The following ARHGEF40 variants were observed in gnomAD, a reference collection of about 807,000 sequenced individuals.
ARHGEF40 encodes Rho guanine nucleotide exchange factor (GEF) 40.
A neutral mutation model predicts 165.9 loss-of-function variants in ARHGEF40; 98 were observed. The observed-to-expected ratio is 0.59, with a 90% confidence interval of 0.50 to 0.70. The LOEUF is 0.70. ARHGEF40 is among the 30% of genes least tolerant of loss of function. The pLI, the probability that ARHGEF40 is intolerant of heterozygous loss-of-function variation, is 0.00. For missense variants in ARHGEF40, 1,815 were observed against 1,968.0 expected, an observed-to-expected ratio of 0.92 and a Z score of 1.47; for synonymous variants, 792 against 814.3, an observed-to-expected ratio of 0.97 and a Z score of 0.47.
At chr14:21,068,421 A>G (rs936735723), upstream of ARHGEF40, among the ~76,000 whole-genome samples, 1 of 152,146 alleles carries the variant, frequency 6.6e-6, no homozygotes, top group African/African-American at 2.4e-5. Flanking sequence ...TTGGAGTCCA[A>G]TGGACAACCT....
chr14:21,078,577 TCTTA>T, intron 10 of ARHGEF40, 89 bp downstream of exon 10: 1 of 1,317,752 alleles, frequency 7.6e-7, no homozygotes, highest in Non-Finnish European at 1.0e-6. Flanking sequence ...GCCAGACCAT[TCTTA>T]CTGTGCATGT....
intron 16 of ARHGEF40, 68 bp from the exon 17 acceptor site, chr14:21,083,767 C>T (rs924497318): frequency 8.8e-6 from 13 of 1,479,718 alleles, no homozygotes; most frequent in Middle Eastern, 1.8e-4. Context: ...CACCTACCCC[C>T]CAACCCCTGA....
Position 21,074,908 on chromosome 14 carries a change from G to A in ARHGEF40, c.1178G>A (p.Arg393Gln), listed in dbSNP as rs761654072. Residue 393 changes from arginine to glutamine, a missense_variant, in exon 3 of 24, where the codon CGA (arginine) becomes CAA (glutamine). Transcript: ENST00000298694. The surrounding 1 kb of genome is among the most constrained non-coding windows in gnomAD (Gnocchi z 4.8). ...KRAAGRGALSRGGDSAPLSPG... is the reference protein window; with the variant it reads ...KRAAGRGALSQGGDSAPLSPG... ...GCTGCAGGTCGAGGGGCTCTTAGCC[G>A]AGGAGGGGACAGTGCCCCACTGAGC... 7 of 1,609,028 alleles carry A rather than the reference G, an allele frequency of 4.4e-6. No individual in the cohort carries two copies. Among genetic ancestry groups the A allele is most frequent in the Admixed American group, 1.7e-5 (1 of 58,962 alleles).
Position 21,081,903 on chromosome 14 carries a change from G to A in ARHGEF40, c.3035G>A (p.Cys1012Tyr), listed in dbSNP as rs1676634276. The A allele has an allele frequency of 6.2e-7, 1 of 1,613,274 alleles. No individual in the cohort carries two copies. Among genetic ancestry groups the A allele is most frequent in the South Asian group, 1.1e-5 (1 of 90,972 alleles). The change falls in exon 14 of 24, where the codon TGT (cysteine) becomes TAT (tyrosine). Residue 1012 changes from cysteine to tyrosine, a missense_variant. Coordinates refer to ENST00000298694, the MANE Select transcript of ARHGEF40 (RefSeq NM_018071.5). ...CCATCCCATTGCTCCCTGGCCCCAT[G>A]TGGAGAGGACTATGAGGAAGAGGGC... ...PAPSHCSLAP[C>Y]GEDYEEEGPE...
intron 6 of ARHGEF40, 27 bp downstream of exon 6, chr14:21,076,483 C>T: frequency 6.2e-7 from 1 of 1,613,982 alleles, no homozygotes; most frequent in Non-Finnish European, 8.5e-7. Flanking sequence ...CAGGCAGTTC[C>T]CCTGGATCCT....
Position 21,083,898 on chromosome 14 carries a change from C to T in ARHGEF40, c.3637C>T (p.Arg1213Trp), listed in dbSNP as rs377546810. 8.1e-6 allele frequency: 13 copies of T among 1,614,006 alleles called. No individual in the cohort carries two copies. The highest frequency in any genetic ancestry group is 5.3e-5 in the African/African-American group (4 of 74,940). ...ALQQPLEQLT[R>W]YGRLLEELLR... ...GCAGCAGCCTCTGGAACAGCTGACTCGGTATGGGCGGCTCCTGGAGGAGCT... is the reference window on the plus strand; with the variant it reads ...GCAGCAGCCTCTGGAACAGCTGACTTGGTATGGGCGGCTCCTGGAGGAGCT... The change falls in exon 17 of 24, where the codon CGG becomes TGG. Residue 1213 changes from arginine to tryptophan, a missense_variant. Physicochemically the swap from Arg to Trp is moderately radical, Grantham distance 101. Coordinates refer to ENST00000298694, the MANE Select transcript of ARHGEF40 (RefSeq NM_018071.5).
chr14:21,076,125 C>T (rs980401541), intron 5 of ARHGEF40, among the ~76,000 whole-genome samples: 2 of 152,198 alleles, frequency 1.3e-5, no homozygotes, highest in Admixed American at 6.5e-5. Flanking sequence ...TTTTCCAGAC[C>T]TTAATCCCTT....
chr14:21,082,321 C>G lies in ARHGEF40; in HGVS notation c.3329C>G (p.Pro1110Arg). The change falls in exon 15 of 24, where the codon CCC becomes CGC. Residue 1110 changes from proline to arginine, a missense_variant. Transcript: ENST00000298694. ...YVATLSEPVP[P>R]PGPELTPELR... ...GCCACCTTGAGTGAGCCAGTGCCAC[C>G]CCCTGGGCCTGAGCTGACGCCTGAA... 3.7e-6 allele frequency: 6 copies of G among 1,612,978 alleles called. No individual in the cohort carries two copies. The highest frequency in any genetic ancestry group is 5.1e-6 in the Non-Finnish European group (6 of 1,179,806).
chr14:21,070,511 C>A lies in ARHGEF40; in HGVS notation c.3+112C>A, dbSNP rs1886654908. 1 of 1,268,536 alleles carries A rather than the reference C, an allele frequency of 7.9e-7. No homozygotes were observed. Among genetic ancestry groups the A allele is most frequent in the African/African-American group, 1.5e-5 (1 of 66,690 alleles). The allele number at this position is 1,268,536 out of a possible 1,614,324, so 78.6% of individuals were successfully genotyped here. On this transcript the variant is annotated intron_variant, in intron 1 of 23. Transcript: ENST00000298694. The surrounding 1 kb of genome is among the most constrained non-coding windows in gnomAD (Gnocchi z 4.7). ...GAGCCTGCCTCGGACTGTTCGGCCC[C>A]TCTGGGACTCTCCTCCCTCCCATCC...
intron 10 of ARHGEF40, 121 bp from the exon 11 acceptor site, chr14:21,078,763 C>T: frequency 7.1e-7 from 1 of 1,408,342 alleles, no homozygotes; most frequent in South Asian, 1.4e-5. Flanking sequence ...AGGGTTCAGC[C>T]CATGCTTTTG....
chr14:21,072,961 C>A lies in ARHGEF40; in HGVS notation c.4-84C>A. 3 of 1,395,798 alleles carry A rather than the reference C, an allele frequency of 2.1e-6. No homozygotes were observed. The highest frequency in any genetic ancestry group is 3.0e-6 in the Non-Finnish European group (3 of 1,015,864). The allele number at this position is 1,395,798 out of a possible 1,614,324, so 86.5% of individuals were successfully genotyped here. On this transcript the variant is annotated intron_variant, in intron 1 of 23. Transcript: ENST00000298694. The surrounding 1 kb of genome is among the most constrained non-coding windows in gnomAD (Gnocchi z 4.1). ...TGTACAATCGGGGCTTTGGAGAACACAGCCAACCCCAGACCAGTGCAGCTC... is the reference window on the plus strand; with the variant it reads ...TGTACAATCGGGGCTTTGGAGAACAAAGCCAACCCCAGACCAGTGCAGCTC...
rs912520463 is a variant in ARHGEF40 at position 21,072,468 on chromosome 14, A to C, written c.4-577A>C. Among the ~76,000 whole-genome samples, 1 of 152,182 alleles carries C rather than the reference A, an allele frequency of 6.6e-6. No homozygotes were observed. Among genetic ancestry groups the C allele is most frequent in the Non-Finnish European group, 1.5e-5 (1 of 68,022 alleles). On this transcript the variant is annotated intron_variant, in intron 1 of 23. Coordinates refer to ENST00000298694, the MANE Select transcript of ARHGEF40 (RefSeq NM_018071.5). This position sits in a 1 kb window ranked among gnomAD's most constrained non-coding sequence, Gnocchi z 4.1. Reference sequence around the variant, plus strand: ...TGCTAGAAAGACCCAAGACAGTCACAGACAGTCTTTCCATCCTCCTCTTTC... The same window carrying C: ...TGCTAGAAAGACCCAAGACAGTCACCGACAGTCTTTCCATCCTCCTCTTTC...
At chr14:21,082,711 T>G in intron 15 of ARHGEF40, 120 bp from the exon 16 acceptor site, 1 of 1,142,926 alleles carries the variant, frequency 8.7e-7, no homozygotes, top group Non-Finnish European at 1.3e-6. Flanking sequence ...CCTGGTAGGC[T>G]GAGTGCTCCC....
the ARHGEF40 span, among the ~76,000 whole-genome samples, chr14:21,064,368 C>G: frequency 6.6e-6 from 1 of 150,894 alleles, no homozygotes; most frequent in Admixed American, 6.7e-5. Context: ...GTGGCGTGAT[C>G]TTGGCTCACT....
chr14:21,087,295 A>AC, intron 20 of ARHGEF40, 25 bp from the exon 21 acceptor site: 1 of 1,580,942 alleles, frequency 6.3e-7, no homozygotes, highest in Admixed American at 1.7e-5. Flanking sequence ...CCAGCACCCC[A>AC]CCCCCCACTC....
intron 19 of ARHGEF40, chr14:21,086,603 T>C (rs1053691546): frequency 1.2e-5 from 2 of 163,550 alleles, no homozygotes; most frequent in Admixed American, 1.2e-4. Context: ...AATGTCTTCA[T>C]CTTAGTGTAA....
At position 21,073,645 on chromosome 14, in the gene ARHGEF40, T is replaced by A. The variant is rs1299114753; in HGVS notation, c.202-287T>A. On this transcript the variant is annotated intron_variant, in intron 2 of 23. Coordinates refer to ENST00000298694, the MANE Select transcript of ARHGEF40 (RefSeq NM_018071.5). This position sits in a 1 kb window ranked among gnomAD's most constrained non-coding sequence, Gnocchi z 4.6. ...AAGACTCCTAAGAGTCTTTAGCTTC[T>A]CCAAGACAATGGCATCTGCTGACCA... Among the ~76,000 whole-genome samples the A allele has an allele frequency of 6.6e-6, 1 of 152,172 alleles. No individual in the cohort carries two copies. Among genetic ancestry groups the A allele is most frequent in the Non-Finnish European group, 1.5e-5 (1 of 68,032 alleles).
chr14:21,088,515 C>CAA (rs5807065), intron 22 of ARHGEF40, among the ~76,000 whole-genome samples: 200 of 142,430 alleles, frequency 1.4e-3, no homozygotes, highest in Middle Eastern at 7.1e-3. Context: ...TCCATCTCTA[C>CAA]AAAAAAAAAA....
chr14:21,076,366 T>A lies in ARHGEF40; in HGVS notation c.1746T>A (p.Asp582Glu). The A allele has an allele frequency of 6.2e-7, 1 of 1,613,328 alleles. No individual in the cohort carries two copies. The highest frequency in any genetic ancestry group is 8.5e-7 in the Non-Finnish European group (1 of 1,180,002). ...LHYLHSLLRP[D>E]LQTLGLSVLL... is the part of the protein sequence containing the mutation. Reference sequence around the variant, plus strand: ...GCTCTTCCTGCTCCCGCAGGCCTGATCTACAGACACTGGGGCTGTCCGTCC... The same window carrying A: ...GCTCTTCCTGCTCCCGCAGGCCTGAACTACAGACACTGGGGCTGTCCGTCC... Residue 582 changes from aspartate to glutamate, a missense_variant, in exon 6 of 24, where the codon GAT becomes GAA. Asp to Glu is a conservative substitution (Grantham distance 45). Transcript: ENST00000298694.
Sources: gnomAD v4.1 joint callset for allele counts (sites outside exome capture counted in the v4.1 genomes callset) on GRCh38, gnomAD v4.1.1 for gene constraint, Gnocchi (gnomAD v3.1) non-coding constraint, MANE v1.5 for transcripts, NCBI Gene and HGNC (gene_info 2026-07-23, HGNC 2026-07-21) for gene names.